The following TEX13C variants were observed in gnomAD, a reference collection of about 807,000 sequenced individuals.
The protein encoded by TEX13C is TEX13 family member C, also known as testis-expressed protein 13C.
For synonymous variants in TEX13C, 219 were observed against 116.6 expected (o/e 1.88, Z -5.65); for missense variants, 480 against 298.7 (o/e 1.61, Z -4.47).
Position 125,320,542 on chromosome X carries a change from G to T in TEX13C, c.423G>T (p.Gly141=), listed in dbSNP as rs192053192. The change falls in exon 1 of 1, where the codon GGG becomes GGT. Residue 141 remains glycine (G), a synonymous_variant. Coordinates refer to ENST00000632600, the Ensembl canonical transcript of TEX13C. ...AGCAGGTGCTGAATGAGCGTGATGG[G>T]TTATGCGGGAGGCTGCTAGAAGTTG... 4.1e-4 allele frequency: 210 copies of T among 514,955 alleles called. 1 individual carries two copies. In the East Asian group the frequency reaches 7.4e-3, roughly 18 times the overall value. 42.4% of individuals were successfully genotyped at this position (514,955 alleles called of 1,213,427 possible). A position where few individuals can be genotyped will look rare whatever the true frequency, so the allele number is the denominator to read the frequency against.
chrX:125,320,239 G>A (rs987270736), exon 1 of TEX13C: 9 of 515,277 alleles, frequency 1.7e-5, no homozygotes, highest in Non-Finnish European at 3.1e-5. Flanking sequence ...CCTTCCGCTC[G>A]CGGCCGTGGA....
At chrX:125,320,467 G>A (rs1602633537) in exon 1 of TEX13C, 1 of 515,869 alleles carries the variant, frequency 1.9e-6, no homozygotes, top group Non-Finnish European at 3.5e-6. Flanking sequence ...AGCTGCGCCT[G>A]GAGCATGAGG....
exon 1 of TEX13C, chrX:125,322,885 T>C (rs1292852009): frequency 9.7e-6 from 5 of 514,152 alleles, no homozygotes; most frequent in East Asian, 7.2e-5. Context: ...GTGTGAAAAA[T>C]AGCCCATGGA....
At chrX:125,324,773 C>T (rs1433110359) in exon 1 of TEX13C, 2 of 112,415 alleles carry the variant, frequency 1.8e-5, no homozygotes, top group Non-Finnish European at 3.8e-5. Flanking sequence ...TGAAGAAAAA[C>T]AGTGCTTTGG....
At chrX:125,320,533 G>A (rs1296396405) in exon 1 of TEX13C, 1 of 515,979 alleles carries the variant, frequency 1.9e-6, no homozygotes, top group African/African-American at 2.3e-5. Context: ...TGCTGAATGA[G>A]CGTGATGGGT....
At chrX:125,319,982 GA>G (rs2018818313), upstream of TEX13C, 1 of 439,667 alleles carries the variant, frequency 2.3e-6, no homozygotes, top group African/African-American at 2.5e-5. Context: ...AGGAGGCCAG[GA>G]CTGAGCAAGG....
exon 1 of TEX13C, chrX:125,321,841 G>A: frequency 2.0e-6 from 1 of 512,402 alleles, no homozygotes; most frequent in Non-Finnish European, 3.5e-6. Flanking sequence ...ATCCAGTGAT[G>A]CCCCAGAACA....
At chrX:125,321,229 C>G in exon 1 of TEX13C, 1 of 515,359 alleles carries the variant, frequency 1.9e-6, no homozygotes, top group Non-Finnish European at 3.5e-6. Context: ...AGATGGTCCC[C>G]CTAGGGGACA....
At chrX:125,322,015 G>T in exon 1 of TEX13C, 2 of 479,774 alleles carry the variant, frequency 4.2e-6, no homozygotes, top group Non-Finnish European at 7.3e-6. Context: ...ACAGCCTGAA[G>T]AAAGTGCCAG....
At chrX:125,321,103 C>A in exon 1 of TEX13C, 1 of 515,672 alleles carries the variant, frequency 1.9e-6, no homozygotes, top group Non-Finnish European at 3.5e-6. Context: ...GAATGACTTC[C>A]CAAGGGGACA....
exon 1 of TEX13C, chrX:125,320,202 A>T (rs1204292825): frequency 9.7e-6 from 5 of 514,565 alleles, no homozygotes; most frequent in Non-Finnish European, 7.0e-6. Context: ...GTCCTCAGGA[A>T]CGGCGGCAGC....
exon 1 of TEX13C, chrX:125,323,001 G>T (rs1388115849): frequency 1.9e-6 from 1 of 515,549 alleles, no homozygotes; most frequent in Non-Finnish European, 3.5e-6. Flanking sequence ...AATTGGGCCT[G>T]CCCATGGTGT....
chrX:125,320,768 G>A (rs1216165667), exon 1 of TEX13C: 1 of 515,287 alleles, frequency 1.9e-6, no homozygotes. Context: ...GAGTGGCAGG[G>A]TCCAGGGCAT....
chrX:125,323,178 A>G lies in TEX13C; in HGVS notation c.*77A>G, dbSNP rs1481896657. 2.3e-5 allele frequency: 10 copies of G among 432,186 alleles called. No individual in the cohort carries two copies. The Admixed American group carries it at 3.9e-4, about 17-fold the overall frequency. The allele number at this position is 432,186 out of a possible 1,213,427, so 35.6% of individuals were successfully genotyped here. ...CAATTTCCCAGGACCCCCTTCTGATAAAAAAGTAACTTATTTACTTAACAG... is the reference window on the plus strand; with the variant it reads ...CAATTTCCCAGGACCCCCTTCTGATGAAAAAGTAACTTATTTACTTAACAG... On this transcript the variant is annotated 3_prime_UTR_variant, in exon 1 of 1. Coordinates refer to ENST00000632600, the Ensembl canonical transcript of TEX13C.
rs570346940 is a variant in TEX13C, at chrX:125,323,304, A to G, written c.*203A>G. ...TATCATTGTGAGTATACATACACAC[A>G]AATACGTATGTATTTATTTTCTTAT... is the stretch of plus-strand genomic sequence containing the variant. On this transcript the variant is annotated 3_prime_UTR_variant, in exon 1 of 1. Transcript: ENST00000632600. 246 of 341,382 alleles carry G rather than the reference A, an allele frequency of 7.2e-4. 2 individuals carry two copies. The South Asian group carries it at 0.019, about 27-fold the overall frequency. 28.1% of individuals were successfully genotyped at this position (341,382 alleles called of 1,213,427 possible).
exon 1 of TEX13C, chrX:125,323,637 A>C (rs1225875215): frequency 9.0e-6 from 1 of 111,580 alleles, no homozygotes; most frequent in African/African-American, 3.3e-5. Context: ...TTTTCCTTGC[A>C]AGTGCTATCA....
Position 125,323,054 on chromosome X carries a change from A to G in TEX13C, c.2935A>G (p.Lys979Glu), listed in dbSNP as rs1229389483. 3 of 513,154 alleles carry G rather than the reference A, an allele frequency of 5.8e-6. No homozygotes were observed. In the African/African-American group the frequency reaches 6.9e-5, roughly 12 times the overall value. The allele number at this position is 513,154 out of a possible 1,213,427, so 42.3% of individuals were successfully genotyped here. ...ACGGAACAAGGTGTGCTCTAAATGC[A>G]AGAGAGTCCGTATGCCAGTTGAGAA... The change falls in exon 1 of 1, where the codon AAG becomes GAG. Residue 979 changes from lysine (K) to glutamate (E), a missense_variant. By Grantham distance (56) the Lys-to-Glu change is moderately conservative (BLOSUM62 1). Transcript: ENST00000632600.
At chrX:125,322,101 T>G in exon 1 of TEX13C, 1 of 479,819 alleles carries the variant, frequency 2.1e-6, no homozygotes, top group Non-Finnish European at 3.7e-6. Flanking sequence ...CAGAACATGG[T>G]CCCCCTGGAG....
chrX:125,322,265 G>C, exon 1 of TEX13C: 1 of 495,433 alleles, frequency 2.0e-6, no homozygotes. Context: ...CCTGAAGAAA[G>C]ATCCAGTGGT....
Sources: allele counts gnomAD v4.1 joint callset, GRCh38; gene constraint gnomAD v4.1.1; transcripts MANE v1.5; gene names NCBI Gene and HGNC (gene_info 2026-07-23, HGNC 2026-07-21).